EYS: variants seen among roughly 807,000 people sequenced by gnomAD.
The protein encoded by EYS is protein eyes shut homolog.
EYS carries 250 observed loss-of-function variants against 282.1 expected under a neutral mutation model. The ratio of observed to expected loss-of-function variants is 0.89; its 90% CI spans 0.80 to 0.98. The LOEUF (loss-of-function observed/expected upper bound fraction) is 0.98. Among genes scored for constraint, EYS ranks in the 50% least tolerant of loss-of-function variants. The probability of loss-of-function intolerance (pLI) is 0.00; values close to 1 mark genes in which losing one functional copy is unlikely to be tolerated. For missense variants in EYS, 4,016 were observed against 3,709.0 expected, an observed-to-expected ratio of 1.08 and a Z score of -2.15; for synonymous variants, 1,355 against 1,282.9, an observed-to-expected ratio of 1.06 and a Z score of -1.20.
At chr6:65,592,248 G>C (rs929983046) in intron 2 of EYS, among the ~76,000 whole-genome samples, 1 of 151,732 alleles carries the variant, frequency 6.6e-6, no homozygotes, top group Non-Finnish European at 1.5e-5. Flanking sequence ...AGAGTAAAAG[G>C]CAACTTAATT....
At chr6:63,955,103 G>A (rs1313538643) in intron 35 of EYS, among the ~76,000 whole-genome samples, 1 of 152,100 alleles carries the variant, frequency 6.6e-6, no homozygotes, top group Non-Finnish European at 1.5e-5. Flanking sequence ...CACTGAATGA[G>A]TAGAGGCCTT....
intron 15 of EYS, among the ~76,000 whole-genome samples, chr6:64,945,230 A>T (rs1769245881): frequency 6.6e-6 from 1 of 151,994 alleles, no homozygotes; most frequent in African/African-American, 2.4e-5. Flanking sequence ...CAAGCAAAAA[A>T]CAACTCCATT....
At chr6:64,430,474 T>C (rs1774541243) in intron 28 of EYS, among the ~76,000 whole-genome samples, 1 of 152,122 alleles carries the variant, frequency 6.6e-6, no homozygotes, top group Non-Finnish European at 1.5e-5. Flanking sequence ...AGCGTATATA[T>C]CAGTACATAT....
At chr6:63,748,086 C>A (rs527358473) in intron 41 of EYS, among the ~76,000 whole-genome samples, 2 of 152,268 alleles carry the variant, frequency 1.3e-5, no homozygotes, top group Non-Finnish European at 2.9e-5. Context: ...GTTGGTGGTA[C>A]CTGTTTTTCT....
chr6:65,162,922 T>TGC (rs1394862701), intron 12 of EYS, among the ~76,000 whole-genome samples: 1 of 150,768 alleles, frequency 6.6e-6, no homozygotes, highest in Non-Finnish European at 1.5e-5. Context: ...TGTGTGTGTG[T>TGC]GTGTGTGTGT....
intron 2 of EYS, among the ~76,000 whole-genome samples, chr6:65,631,187 C>T (rs1582543375): frequency 6.6e-6 from 1 of 152,186 alleles, no homozygotes; most frequent in Middle Eastern, 3.4e-3. Flanking sequence ...CAGATGTGAC[C>T]ATTATTTGTG....
chr6:64,748,477 T>G (rs553466008), intron 22 of EYS, among the ~76,000 whole-genome samples: 1 of 152,346 alleles, frequency 6.6e-6, no homozygotes, highest in African/African-American at 2.4e-5. Context: ...TGTGAGAATC[T>G]AAGGCATTAG....
chr6:64,421,117 G>T (rs1216758893), intron 28 of EYS, among the ~76,000 whole-genome samples: 1 of 152,050 alleles, frequency 6.6e-6, no homozygotes, highest in Non-Finnish European at 1.5e-5. Context: ...AAATGAAAGA[G>T]GTTTAATTAA....
In EYS at chr6:65,190,062, T is replaced by C. The variant is rs984980095; in HGVS notation, c.2023+105801A>G. Among the ~76,000 whole-genome samples, 46 of 151,584 alleles carry C rather than the reference T, an allele frequency of 3.0e-4. 1 individual carries two copies. The highest frequency in any genetic ancestry group is 1.1e-3 in the African/African-American group (44 of 41,444). On this transcript the variant is annotated intron_variant, in intron 12 of 42. Coordinates refer to ENST00000503581, the MANE Select transcript of EYS (RefSeq NM_001142800.2). The stretch of plus-strand genomic sequence containing the variant: ...GTGTTTGCAAGAACTTCCTTTAAAG[T>C]ACTATTAATAATATAGAGAAAAATG...
At chr6:65,144,732 CAGA>C (rs1764434385) in intron 12 of EYS, among the ~76,000 whole-genome samples, 1 of 151,300 alleles carries the variant, frequency 6.6e-6, no homozygotes, top group Non-Finnish European at 1.5e-5. Context: ...CTCATAATCA[CAGA>C]AGAACAGAGT....
At chr6:64,084,636 C>A (rs1772084718) in intron 31 of EYS, among the ~76,000 whole-genome samples, 1 of 152,154 alleles carries the variant, frequency 6.6e-6, no homozygotes, top group Non-Finnish European at 1.5e-5. Flanking sequence ...TTTATGATTA[C>A]ATTTTGGGGG....
chr6:64,360,308 C>T (rs1771960961), intron 29 of EYS, among the ~76,000 whole-genome samples: 1 of 151,694 alleles, frequency 6.6e-6, no homozygotes, highest in East Asian at 2.0e-4. Context: ...CATATTTTTC[C>T]ACACTCTGAC....
chr6:64,342,376 ACT>A (rs1445631601), intron 29 of EYS, among the ~76,000 whole-genome samples: 1 of 151,886 alleles, frequency 6.6e-6, no homozygotes, highest in African/African-American at 2.4e-5. Flanking sequence ...CTCCACAGAA[ACT>A]CTACAAGCCA....
chr6:65,082,934 CAGAT>C (rs1320986447), intron 12 of EYS, among the ~76,000 whole-genome samples: 2 of 151,742 alleles, frequency 1.3e-5, no homozygotes, highest in African/African-American at 2.4e-5. Flanking sequence ...TAGAAGTAAA[CAGAT>C]AGATAAAAGA....
chr6:64,461,233 A>T (rs1255856895), intron 26 of EYS, among the ~76,000 whole-genome samples: 2 of 152,258 alleles, frequency 1.3e-5, no homozygotes, highest in Non-Finnish European at 2.9e-5. Context: ...TTATCTAAAA[A>T]TCTATGATTA....
rs149551560 is a variant in EYS, at chr6:64,895,644, T to G, written c.2846+6469A>C. Among the ~76,000 whole-genome samples the G allele has an allele frequency of 7.2e-5, 11 of 152,236 alleles. No individual in the cohort carries two copies. In the East Asian group the frequency reaches 1.2e-3, roughly 16 times the overall value. ...GAACAGCAATAGAGAAATAGACATA[T>G]CCATATGTGGAAACGTGATCTGCAA... On this transcript the variant is annotated intron_variant, in intron 18 of 42. Coordinates refer to ENST00000503581, the MANE Select transcript of EYS (RefSeq NM_001142800.2).
At chr6:65,207,904 T>C (rs866688781) in intron 12 of EYS, among the ~76,000 whole-genome samples, 1 of 151,826 alleles carries the variant, frequency 6.6e-6, no homozygotes, top group Admixed American at 6.6e-5. Flanking sequence ...ATGTAAGGCC[T>C]GAAACTATAG....
intron 2 of EYS, among the ~76,000 whole-genome samples, chr6:65,540,748 G>A (rs1315418596): frequency 2.6e-5 from 4 of 151,896 alleles, no homozygotes; most frequent in South Asian, 2.1e-4. Context: ...GTGAAACCCC[G>A]TCTCTACTAA....
At chr6:65,431,573 A>G (rs1237364754) in intron 5 of EYS, among the ~76,000 whole-genome samples, 2 of 152,078 alleles carry the variant, frequency 1.3e-5, no homozygotes, top group African/African-American at 4.8e-5. Flanking sequence ...ACACTACATT[A>G]TTTATCATAA....
Sources: gnomAD v4.1 joint callset for allele counts (sites outside exome capture counted in the v4.1 genomes callset) on GRCh38, gnomAD v4.1.1 for gene constraint, MANE v1.5 for transcripts, NCBI Gene and HGNC (gene_info 2026-07-23, HGNC 2026-07-21) for gene names.